Variants in SLC23A2 observed in about 807,000 individuals in gnomAD.
SLC23A2 encodes Na(+)/L-ascorbic acid transporter 2.
A neutral mutation model predicts 73.3 loss-of-function variants in SLC23A2; 36 were observed. That is an observed-to-expected ratio of 0.49 (90% CI 0.38 to 0.65). The LOEUF (loss-of-function observed/expected upper bound fraction) is 0.65. Among genes scored for constraint, SLC23A2 ranks in the 30% least tolerant of loss-of-function variants. The probability of loss-of-function intolerance (pLI) is 0.00; values close to 1 mark genes in which losing one functional copy is unlikely to be tolerated. For synonymous variants in SLC23A2, 343 were observed against 327.3 expected (o/e 1.05, Z -0.52); for missense variants, 507 against 841.6 (o/e 0.60, Z 4.92).
intron 1 of SLC23A2, among the ~76,000 whole-genome samples, chr20:4,986,341 T>C (rs2087826113): frequency 6.6e-6 from 1 of 151,990 alleles, no homozygotes; most frequent in South Asian, 2.1e-4. Flanking sequence ...TATGAAACCT[T>C]TTTATTTTTT....
intron 2 of SLC23A2, among the ~76,000 whole-genome samples, chr20:4,957,086 C>T (rs959031454): frequency 2.4e-4 from 36 of 151,798 alleles, no homozygotes; most frequent in African/African-American, 7.5e-4. Context: ...GGATTACAGG[C>T]GTGAGTTACT....
chr20:4,992,003 G>A (rs1443702191), intron 1 of SLC23A2, among the ~76,000 whole-genome samples: 5 of 151,446 alleles, frequency 3.3e-5, no homozygotes, highest in East Asian at 3.9e-4. Context: ...CCAGCTACTC[G>A]GGAGGCTGAG....
Position 4,864,408 on chromosome 20 carries a change from T to C in SLC23A2, c.1357-1501A>G, listed in dbSNP as rs567227456. On this transcript the variant is annotated intron_variant, in intron 13 of 16. Coordinates refer to ENST00000338244, the MANE Select transcript of SLC23A2 (RefSeq NM_005116.6). Reference sequence around the variant, plus strand: ...GATCTGAGGCTGTGCACATGAGAGATGGCTGCCCAGCTGGACTCAGTCACT... The same window carrying C: ...GATCTGAGGCTGTGCACATGAGAGACGGCTGCCCAGCTGGACTCAGTCACT... Among the ~76,000 whole-genome samples the C allele has an allele frequency of 2.5e-4, 38 of 152,008 alleles. No individual in the cohort carries two copies. The South Asian group carries it at 7.3e-3, about 29-fold the overall frequency.
At position 4,952,175 on chromosome 20, in the gene SLC23A2, TA is replaced by T. The variant is rs72552376; in HGVS notation, c.-155+18617del. ...ATAACCTAATATAAAAGATGTAGAC[TA>T]AAAAACTATTCTGAGATTAAGAAAA... On this transcript the variant is annotated intron_variant, in intron 2 of 16. Coordinates refer to ENST00000338244, the MANE Select transcript of SLC23A2 (RefSeq NM_005116.6). 5.1e-4 allele frequency among the ~76,000 whole-genome samples: 70 copies of T among 137,066 alleles called. 2 individuals carry two copies. The South Asian group carries it at 0.015, about 30-fold the overall frequency. 89.9% of individuals were successfully genotyped at this position (137,066 alleles called of 152,430 possible). A position where few individuals can be genotyped will look rare whatever the true frequency, so the allele number is the denominator to read the frequency against.
upstream of SLC23A2, among the ~76,000 whole-genome samples, chr20:5,003,605 C>G (rs1048931764): frequency 6.6e-6 from 1 of 151,894 alleles, no homozygotes; most frequent in Non-Finnish European, 1.5e-5. Context: ...GGTCAAGACC[C>G]CCTGAGCTTT....
rs747254302 is a variant in SLC23A2, at chr20:4,862,905, G to A, written c.1359C>T (p.Val453=). 50 of 1,609,072 alleles carry A rather than the reference G, an allele frequency of 3.1e-5. No homozygotes were observed. The highest frequency in any genetic ancestry group is 1.4e-5 in the Non-Finnish European group (17 of 1,176,686). ...CGCACTGTATCACGCGGCGGCTGCCGACCTGCAGAACACACAGGAGACTGG... is the reference window on the plus strand; with the variant it reads ...CGCACTGTATCACGCGGCGGCTGCCAACCTGCAGAACACACAGGAGACTGG... ...PNIGVLGITK[V]GSRRVIQCGA... The change falls in exon 14 of 17, where the codon GTC becomes GTT. Residue 453 remains valine (V), a splice_region_variant and synonymous_variant. Transcript: ENST00000338244. This position sits in a 1 kb window ranked among gnomAD's most constrained non-coding sequence, Gnocchi z 5.1.
intron 3 of SLC23A2, among the ~76,000 whole-genome samples, chr20:4,922,064 G>A (rs1205328496): frequency 1.3e-5 from 2 of 152,082 alleles, no homozygotes; most frequent in Admixed American, 1.3e-4. Flanking sequence ...TTCTCCAATA[G>A]AATTATGGGC....
intron 4 of SLC23A2, among the ~76,000 whole-genome samples, chr20:4,906,062 G>T (rs1273281745): frequency 9.2e-5 from 14 of 152,166 alleles, no homozygotes. Flanking sequence ...TTTTGGCCAG[G>T]CATGGTGGCT....
intron 2 of SLC23A2, among the ~76,000 whole-genome samples, chr20:4,943,337 C>T (rs1015178263): frequency 1.3e-5 from 2 of 151,968 alleles, no homozygotes; most frequent in African/African-American, 4.8e-5. Flanking sequence ...ATCAGTGGCT[C>T]ATGTGCTTAA....
rs535909445 is a variant in SLC23A2 at position 4,872,396 on chromosome 20, C to T, written c.1102+1540G>A. On this transcript the variant is annotated intron_variant, in intron 11 of 16. Coordinates refer to ENST00000338244, the MANE Select transcript of SLC23A2 (RefSeq NM_005116.6). The surrounding 1 kb of genome is among the most constrained non-coding windows in gnomAD (Gnocchi z 4.4). Reference sequence around the variant, plus strand: ...CTCACGGCCAGCACAACCTCAGGCGCTCTGTCTACTAAGTTTCGCCTTCTC... The same window carrying T: ...CTCACGGCCAGCACAACCTCAGGCGTTCTGTCTACTAAGTTTCGCCTTCTC... Among the ~76,000 whole-genome samples the T allele has an allele frequency of 5.3e-5, 8 of 152,326 alleles. No homozygotes were observed. The highest frequency in any genetic ancestry group is 3.9e-4 in the Admixed American group (6 of 15,300).
chr20:4,897,937 C>T (rs941597460), intron 6 of SLC23A2, among the ~76,000 whole-genome samples: 6 of 152,180 alleles, frequency 3.9e-5, no homozygotes, highest in African/African-American at 1.4e-4. Context: ...GATAAGTCAG[C>T]GGTTTAGAAA....
Position 4,899,579 on chromosome 20 carries a change from A to T in SLC23A2, c.458T>A (p.Leu153Ter). 1 of 1,614,138 alleles carries T rather than the reference A, an allele frequency of 6.2e-7. No homozygotes were observed. The highest frequency in any genetic ancestry group is 8.5e-7 in the Non-Finnish European group (1 of 1,179,994). Residue 153 changes from leucine to a stop codon, truncating the protein, a stop_gained, in exon 6 of 17, where the codon TTG (leucine) becomes TAG (stop). Transcript: ENST00000338244. LOFTEE classifies it high-confidence loss of function. The surrounding 1 kb of genome is among the most constrained non-coding windows in gnomAD (Gnocchi z 4.9). ...CCTGCATCCAAACGTTGTCTGTAGC[A>T]AAGTAGTGATTCCCACACAGAAGAA... ...TIFFCVGITT[L>*]LQTTFGCRLP... is the part of the protein sequence containing the mutation.
At chr20:4,870,437 C>A (rs1349415927) in intron 11 of SLC23A2, among the ~76,000 whole-genome samples, 1 of 152,000 alleles carries the variant, frequency 6.6e-6, no homozygotes, top group African/African-American at 2.4e-5. Context: ...ATTAGCCAGG[C>A]GTGGGGGCAT....
At chr20:4,982,192 A>C (rs2087738016) in intron 1 of SLC23A2, among the ~76,000 whole-genome samples, 1 of 149,436 alleles carries the variant, frequency 6.7e-6, no homozygotes, top group African/African-American at 2.5e-5. Context: ...ACGGGGTTTC[A>C]CCATGTTGGC....
intron 1 of SLC23A2, among the ~76,000 whole-genome samples, chr20:4,985,341 C>T (rs2087807131): frequency 6.6e-6 from 1 of 152,068 alleles, no homozygotes; most frequent in Non-Finnish European, 1.5e-5. Flanking sequence ...TGTGGTATAT[C>T]CATACAATGG....
At chr20:4,985,439 C>CA (rs959466360) in intron 1 of SLC23A2, among the ~76,000 whole-genome samples, 3 of 149,136 alleles carry the variant, frequency 2.0e-5, no homozygotes, top group East Asian at 3.9e-4. Flanking sequence ...AAGCCTATCA[C>CA]AAAAAACCAC....
At chr20:4,910,340 C>A (rs1396966712) in intron 4 of SLC23A2, among the ~76,000 whole-genome samples, 3 of 151,350 alleles carry the variant, frequency 2.0e-5, no homozygotes, top group Admixed American at 6.6e-5. Context: ...CTGGGCCACT[C>A]CACTTCAGCC....
chr20:4,911,851 TA>T lies in SLC23A2; in HGVS notation c.207+1028del, dbSNP rs199893620. 2.7e-3 allele frequency among the ~76,000 whole-genome samples: 412 copies of T among 152,072 alleles called. 2 individuals carry two copies. Among genetic ancestry groups the T allele is most frequent in the African/African-American group, 9.0e-3 (373 of 41,524 alleles). ...ATTTTTATTTATGAATTTATTTATT[TA>T]TTTTTTTTAGAGACAGGGTCTTACT... On this transcript the variant is annotated intron_variant, in intron 4 of 16. Transcript: ENST00000338244.
chr20:5,005,207 A>G (rs2088178466), upstream of SLC23A2, among the ~76,000 whole-genome samples: 1 of 151,730 alleles, frequency 6.6e-6, no homozygotes, highest in Non-Finnish European at 1.5e-5. Flanking sequence ...TCAACGTCTT[A>G]CAAGGATTAA....
Sources: gnomAD v4.1 joint callset for allele counts (sites outside exome capture counted in the v4.1 genomes callset) on GRCh38, gnomAD v4.1.1 for gene constraint, Gnocchi (gnomAD v3.1) non-coding constraint, MANE v1.5 for transcripts, NCBI Gene and HGNC (gene_info 2026-07-23, HGNC 2026-07-21) for gene names.